The following AGBL4 variants were observed in gnomAD, a reference collection of about 807,000 sequenced individuals.
AGBL4 encodes cytosolic carboxypeptidase 6.
In AGBL4, 58 loss-of-function variants were observed where a neutral mutation model predicts 66.4. That is an observed-to-expected ratio of 0.87 (90% confidence interval 0.71 to 1.09). The LOEUF (loss-of-function observed/expected upper bound fraction) is 1.09, where lower values mean the gene tolerates loss of function less well. Among genes scored for constraint, AGBL4 ranks in the 50% least tolerant of loss-of-function variants. The pLI is 0.00. For missense variants in AGBL4, 579 were observed against 631.0 expected (o/e 0.92, Z 0.88); for synonymous variants, 234 against 222.9 (o/e 1.05, Z -0.44).
chr1:48,939,371 T>C (rs2148913076), intron 5 of AGBL4, among the ~76,000 whole-genome samples: 1 of 152,372 alleles, frequency 6.6e-6, no homozygotes, highest in East Asian at 1.9e-4. Context: ...GTACAGCGAT[T>C]GACAGGCTGG....
chr1:49,650,082 A>ACTAAAAG (rs1645971341), intron 3 of AGBL4, among the ~76,000 whole-genome samples: 2 of 152,220 alleles, frequency 1.3e-5, no homozygotes, highest in African/African-American at 4.8e-5. Flanking sequence ...TTAGTAAAAT[A>ACTAAAAG]TTTGAATCCA....
chr1:48,608,224 T>C (rs1054036711), intron 9 of AGBL4, among the ~76,000 whole-genome samples: 2 of 152,180 alleles, frequency 1.3e-5, no homozygotes, highest in African/African-American at 4.8e-5. Context: ...TCAATCTAGT[T>C]TTCTTGGCTT....
At chr1:48,865,778 T>A (rs1648001705) in intron 6 of AGBL4, among the ~76,000 whole-genome samples, 2 of 152,054 alleles carry the variant, frequency 1.3e-5, no homozygotes, top group South Asian at 2.1e-4. Flanking sequence ...TAAACTCAGA[T>A]GTGGAAGCAG....
At chr1:48,687,777 T>G (rs932506000) in intron 6 of AGBL4, among the ~76,000 whole-genome samples, 3 of 152,214 alleles carry the variant, frequency 2.0e-5, no homozygotes. Flanking sequence ...TGGCAGGCCC[T>G]GGACCAGCAC....
intron 3 of AGBL4, among the ~76,000 whole-genome samples, chr1:49,685,893 T>C (rs975380724): frequency 5.3e-5 from 8 of 152,200 alleles, no homozygotes; most frequent in Non-Finnish European, 1.2e-4. Context: ...AGAAGTTCTT[T>C]AGTTTAATTA....
At chr1:49,638,556 G>A (rs1274375485) in intron 3 of AGBL4, among the ~76,000 whole-genome samples, 1 of 152,152 alleles carries the variant, frequency 6.6e-6, no homozygotes, top group African/African-American at 2.4e-5. Flanking sequence ...CATGTGTCAT[G>A]GGATGGATCT....
At chr1:49,318,527 AG>A (rs1645078725) in intron 3 of AGBL4, among the ~76,000 whole-genome samples, 1 of 152,076 alleles carries the variant, frequency 6.6e-6, no homozygotes, top group African/African-American at 2.4e-5. Flanking sequence ...AGCAACATTA[AG>A]GGTAGGAAAC....
At chr1:49,825,169 C>G (rs754483952) in intron 2 of AGBL4, among the ~76,000 whole-genome samples, 4 of 152,160 alleles carry the variant, frequency 2.6e-5, no homozygotes, top group Non-Finnish European at 5.9e-5. Flanking sequence ...TTTACTGATA[C>G]AAAAACTGTC....
In AGBL4 at chr1:48,608,213, T is replaced by C. The variant is rs542962896; in HGVS notation, c.952-17228A>G. On this transcript the variant is annotated intron_variant, in intron 9 of 13. Coordinates refer to ENST00000371839, the MANE Select transcript of AGBL4 (RefSeq NM_032785.4). ...TGACTCTAATTCTAGGTTGAAAGCT[T>C]TCAATCTAGTTTTCTTGGCTTATGG... Among the ~76,000 whole-genome samples, 26 of 152,306 alleles carry C rather than the reference T, an allele frequency of 1.7e-4. No individual in the cohort carries two copies. In the South Asian group the frequency reaches 4.4e-3, roughly 26 times the overall value.
chr1:48,671,765 C>T (rs1368991068), intron 6 of AGBL4, among the ~76,000 whole-genome samples: 1 of 152,208 alleles, frequency 6.6e-6, no homozygotes. Flanking sequence ...ACAACTTTGC[C>T]TCTTTCACAA....
At chr1:49,678,787 C>T (rs1646630120) in intron 3 of AGBL4, among the ~76,000 whole-genome samples, 1 of 151,942 alleles carries the variant, frequency 6.6e-6, no homozygotes. Flanking sequence ...CTGTTATTTG[C>T]TTTTAGTTCC....
At chr1:49,004,149 T>C (rs890054432) in intron 5 of AGBL4, among the ~76,000 whole-genome samples, 2 of 152,236 alleles carry the variant, frequency 1.3e-5, no homozygotes, top group African/African-American at 4.8e-5. Context: ...AACACCTTTA[T>C]ATGGGATCCT....
chr1:48,825,305 C>T (rs1388980837), intron 6 of AGBL4, among the ~76,000 whole-genome samples: 11 of 152,142 alleles, frequency 7.2e-5, no homozygotes, highest in Admixed American at 7.2e-4. Flanking sequence ...CCTCTGGAGT[C>T]AGTTTTATAG....
At chr1:49,625,834 T>A (rs1042960265) in intron 3 of AGBL4, among the ~76,000 whole-genome samples, 1 of 152,122 alleles carries the variant, frequency 6.6e-6, no homozygotes, top group African/African-American at 2.4e-5. Context: ...AGGGGTAATA[T>A]ACAATTCCAT....
chr1:49,058,613 T>A (rs1172579728), intron 4 of AGBL4, among the ~76,000 whole-genome samples: 1 of 152,168 alleles, frequency 6.6e-6, no homozygotes. Context: ...GGCACTGCTG[T>A]AAAGATACCC....
chr1:48,719,722 C>A (rs990753409), intron 6 of AGBL4, among the ~76,000 whole-genome samples: 1 of 152,198 alleles, frequency 6.6e-6, no homozygotes, highest in Admixed American at 6.5e-5. Flanking sequence ...TTTCTATGTG[C>A]TAGGTATAGT....
At chr1:48,794,576 A>G (rs993801047) in intron 6 of AGBL4, among the ~76,000 whole-genome samples, 7 of 152,218 alleles carry the variant, frequency 4.6e-5, no homozygotes, top group Non-Finnish European at 8.8e-5. Context: ...AACTGATTCT[A>G]GGACACTTTG....
chr1:49,464,989 A>AAATG (rs761195805), intron 3 of AGBL4, among the ~76,000 whole-genome samples: 22 of 151,674 alleles, frequency 1.5e-4, no homozygotes, highest in Non-Finnish European at 2.8e-4. Flanking sequence ...ATGAACAAAC[A>AAATG]AATGAATGAA....
intron 3 of AGBL4, among the ~76,000 whole-genome samples, chr1:49,648,004 G>A (rs1307409237): frequency 6.6e-6 from 1 of 152,064 alleles, no homozygotes; most frequent in African/African-American, 2.4e-5. Flanking sequence ...ACATAGTTGA[G>A]GAGATAAAGC....
Sources: allele counts gnomAD v4.1 joint callset (sites outside exome capture counted in the v4.1 genomes callset), GRCh38; gene constraint gnomAD v4.1.1; transcripts MANE v1.5; gene names NCBI Gene and HGNC (gene_info 2026-07-23, HGNC 2026-07-21).